Variants in BEND7 observed in about 807,000 individuals in gnomAD.
BEND7 encodes BEN domain containing 7, also known as BEN domain-containing protein 7.
BEND7 carries 28 observed loss-of-function variants against 50.9 expected under a neutral mutation model. The ratio of observed to expected loss-of-function variants is 0.55; its 90% CI spans 0.41 to 0.75. The LOEUF (loss-of-function observed/expected upper bound fraction) is 0.75. Among genes scored for constraint, BEND7 ranks in the 30% least tolerant of loss-of-function variants. BEND7 has a pLI of 0.00. For missense variants in BEND7, 477 were observed against 491.3 expected, an observed-to-expected ratio of 0.97 and a Z score of 0.28; for synonymous variants, 170 against 183.9, an observed-to-expected ratio of 0.92 and a Z score of 0.61.
At chr10:13,496,928 CAAAAA>C (rs5783327) in intron 3 of BEND7, 40 bp from the exon 4 acceptor site, 46 of 1,133,198 alleles carry the variant, frequency 4.1e-5, no homozygotes, top group Middle Eastern at 3.0e-4. Context: ...CCAAACAAAC[CAAAAA>C]AAAAAAAAAA....
chr10:13,487,359 C>T (rs1262697735), intron 5 of BEND7, among the ~76,000 whole-genome samples: 1 of 150,852 alleles, frequency 6.6e-6, no homozygotes, highest in Non-Finnish European at 1.5e-5. Flanking sequence ...CTCAGGCATA[C>T]ATGGCCTCAA....
chr10:13,512,144 T>C (rs1027172039), intron 2 of BEND7, among the ~76,000 whole-genome samples: 3 of 152,166 alleles, frequency 2.0e-5, no homozygotes, highest in South Asian at 4.1e-4. Flanking sequence ...GTTGGAAATT[T>C]GTACTTGGGA....
chr10:13,519,003 T>A (rs2078894391), intron 2 of BEND7, among the ~76,000 whole-genome samples: 1 of 151,924 alleles, frequency 6.6e-6, no homozygotes, highest in Non-Finnish European at 1.5e-5. Flanking sequence ...ATTAGGAGAG[T>A]CCTGAAAATA....
At position 13,508,872 on chromosome 10, in the gene BEND7, C is replaced by G. The variant is rs2211199; in HGVS notation, c.146-8792G>C. ...AAGAGTATAATGGCACTCTTCTGATCGACGGGCAGGCCTAAGCGGCACGGC... is the reference window on the plus strand; with the variant it reads ...AAGAGTATAATGGCACTCTTCTGATGGACGGGCAGGCCTAAGCGGCACGGC... On this transcript the variant is annotated intron_variant, in intron 2 of 8. Coordinates refer to ENST00000466271, the MANE Select transcript of BEND7 (RefSeq NM_001369863.1). 1.5e-3 allele frequency among the ~76,000 whole-genome samples: 228 copies of G among 152,290 alleles called. 7 individuals carry two copies. In the South Asian group the frequency reaches 0.037, roughly 25 times the overall value.
intron 4 of BEND7, among the ~76,000 whole-genome samples, chr10:13,493,604 G>A (rs1283313440): frequency 6.6e-6 from 1 of 152,176 alleles, no homozygotes; most frequent in African/African-American, 2.4e-5. Flanking sequence ...GCAAATCAGT[G>A]AAATCTAGAA....
At chr10:13,447,113 G>A in intron 8 of BEND7, 153 bp downstream of exon 8, 1 of 743,060 alleles carries the variant, frequency 1.3e-6, no homozygotes, top group Non-Finnish European at 2.4e-6. Context: ...TGAGTACGGG[G>A]CCTTGAGAAG....
At chr10:13,456,614 G>C (rs1839033236) in intron 6 of BEND7, among the ~76,000 whole-genome samples, 1 of 152,180 alleles carries the variant, frequency 6.6e-6, no homozygotes, top group Admixed American at 6.5e-5. Flanking sequence ...GGAGAGCAAG[G>C]TGGGGAGGTG....
At chr10:13,466,748 A>G (rs1224316730) in intron 6 of BEND7, among the ~76,000 whole-genome samples, 1 of 152,202 alleles carries the variant, frequency 6.6e-6, no homozygotes, top group Non-Finnish European at 1.5e-5. Flanking sequence ...TCCACATGTT[A>G]CTGGGCTTGA....
At chr10:13,487,863 C>A (rs373512081) in intron 5 of BEND7, among the ~76,000 whole-genome samples, 6 of 152,068 alleles carry the variant, frequency 3.9e-5, no homozygotes, top group African/African-American at 1.4e-4. Flanking sequence ...GAGGACGAGG[C>A]GGATGGATCA....
intron 5 of BEND7, among the ~76,000 whole-genome samples, chr10:13,484,987 G>C (rs950311988): frequency 6.6e-6 from 1 of 152,134 alleles, no homozygotes; most frequent in African/African-American, 2.4e-5. Context: ...TCACGAATTT[G>C]TTTCTTTGCA....
chr10:13,456,485 G>C (rs2131160220), intron 6 of BEND7, among the ~76,000 whole-genome samples: 1 of 152,342 alleles, frequency 6.6e-6, no homozygotes, highest in South Asian at 2.1e-4. Flanking sequence ...GAGAGTCTTA[G>C]TGGAAAGGTT....
At chr10:13,475,168 T>TACA (rs945061964) in intron 6 of BEND7, among the ~76,000 whole-genome samples, 4 of 152,110 alleles carry the variant, frequency 2.6e-5, no homozygotes, top group African/African-American at 7.2e-5. Flanking sequence ...TAATACAAAC[T>TACA]ACAACAACAA....
intron 6 of BEND7, among the ~76,000 whole-genome samples, chr10:13,460,989 G>C (rs887206912): frequency 6.6e-6 from 1 of 152,202 alleles, no homozygotes; most frequent in African/African-American, 2.4e-5. Context: ...AAGAAGTCAA[G>C]GACAGCCCAG....
chr10:13,475,588 T>C (rs1225646291), intron 6 of BEND7, among the ~76,000 whole-genome samples: 2 of 152,288 alleles, frequency 1.3e-5, no homozygotes, highest in East Asian at 1.9e-4. Flanking sequence ...CTGACACTAG[T>C]AAAAAAATTG....
At chr10:13,470,801 G>A (rs1047991667) in intron 6 of BEND7, among the ~76,000 whole-genome samples, 2 of 152,164 alleles carry the variant, frequency 1.3e-5, no homozygotes, top group African/African-American at 4.8e-5. Context: ...GGCTGAAAAC[G>A]TTTGGAGGTA....
chr10:13,474,105 G>A (rs975639799), intron 6 of BEND7, among the ~76,000 whole-genome samples: 7 of 151,564 alleles, frequency 4.6e-5, no homozygotes, highest in Non-Finnish European at 8.8e-5. Context: ...ACCTGTCATT[G>A]CTGTTAGACT....
chr10:13,467,117 C>T (rs2074331202), intron 6 of BEND7, among the ~76,000 whole-genome samples: 1 of 152,180 alleles, frequency 6.6e-6, no homozygotes, highest in Admixed American at 6.5e-5. Flanking sequence ...AGGTAGGATT[C>T]AATTTCCTGT....
At chr10:13,515,269 C>T (rs1481010493) in intron 2 of BEND7, among the ~76,000 whole-genome samples, 4 of 152,136 alleles carry the variant, frequency 2.6e-5, no homozygotes, top group South Asian at 2.1e-4. Context: ...ATGTAGCATT[C>T]GATTTTATGG....
intron 2 of BEND7, among the ~76,000 whole-genome samples, chr10:13,517,824 G>A (rs1045154577): frequency 6.6e-6 from 1 of 152,214 alleles, no homozygotes; most frequent in Admixed American, 6.5e-5. Context: ...GCACCGTGTG[G>A]ATCGCAATGG....
Sources: gnomAD v4.1 joint callset for allele counts (sites outside exome capture counted in the v4.1 genomes callset) on GRCh38, gnomAD v4.1.1 for gene constraint, MANE v1.5 for transcripts, NCBI Gene and HGNC (gene_info 2026-07-23, HGNC 2026-07-21) for gene names.